Variants in FSTL4 observed in about 807,000 individuals in gnomAD.
The protein encoded by FSTL4 is follistatin-related protein 4.
FSTL4 carries 28 observed loss-of-function variants against 78.2 expected under a neutral mutation model. The observed-to-expected ratio is 0.36, with a 90% CI of 0.27 to 0.49. The LOEUF is 0.49. FSTL4 is among the 20% of genes least tolerant of loss of function. The pLI is 0.98. For synonymous variants in FSTL4, 422 were observed against 440.5 expected (o/e 0.96, Z 0.53); for missense variants, 922 against 1,084.9 (o/e 0.85, Z 2.11).
Position 133,400,806 on chromosome 5 carries a change from A to C in FSTL4, c.341T>G (p.Leu114Arg). The change falls in exon 4 of 16, where the codon CTC (leucine) becomes CGC (arginine). Residue 114 changes from leucine to arginine, a missense_variant. Transcript: ENST00000265342. Reference protein sequence around the residue: ...DGRFYENHCKLHRAACLLGKR... With the variant: ...DGRFYENHCKRHRAACLLGKR... ...TCCCAGGAGGCAAGCAGCACGGTGG[A>C]GCTTACAGTGGTTTTCATAAAACCT... 1 of 1,613,940 alleles carries C rather than the reference A, an allele frequency of 6.2e-7. No individual in the cohort carries two copies. The highest frequency in any genetic ancestry group is 8.5e-7 in the Non-Finnish European group (1 of 1,179,954).
intron 3 of FSTL4, among the ~76,000 whole-genome samples, chr5:133,403,514 A>G (rs755513619): frequency 2.4e-4 from 37 of 152,170 alleles, no homozygotes; most frequent in Non-Finnish European, 4.6e-4. Flanking sequence ...GTTTTAAGAA[A>G]TGCAGAAATT....
chr5:133,288,895 C>T (rs1489234251), intron 6 of FSTL4, among the ~76,000 whole-genome samples: 2 of 152,122 alleles, frequency 1.3e-5, no homozygotes, highest in African/African-American at 4.8e-5. Flanking sequence ...AAACTGTCTG[C>T]TCTCTTTCTA....
chr5:133,793,077 C>T, the FSTL4 span, among the ~76,000 whole-genome samples: 2 of 152,152 alleles, frequency 1.3e-5, no homozygotes, highest in Non-Finnish European at 2.9e-5. Flanking sequence ...ACTTAAAATA[C>T]ACGGTGTGCT....
At chr5:133,367,074 C>T (rs1036494034) in intron 4 of FSTL4, among the ~76,000 whole-genome samples, 1 of 152,202 alleles carries the variant, frequency 6.6e-6, no homozygotes, top group Admixed American at 6.5e-5. Context: ...ACTCTGTTAG[C>T]TGCTTGGGGG....
At chr5:133,411,770 C>T (rs375455749) in intron 3 of FSTL4, among the ~76,000 whole-genome samples, 6 of 152,180 alleles carry the variant, frequency 3.9e-5, no homozygotes, top group South Asian at 2.1e-4. Context: ...CAGCTAACAA[C>T]GATCTCTTTT....
chr5:133,712,595 C>A, the FSTL4 span, among the ~76,000 whole-genome samples: 1 of 152,166 alleles, frequency 6.6e-6, no homozygotes, highest in African/African-American at 2.4e-5. Flanking sequence ...GTGCCTGGCT[C>A]CAAGGTAAAA....
chr5:133,199,453 G>A lies in FSTL4; in HGVS notation c.2171C>T (p.Thr724Ile), dbSNP rs370704531. Reference sequence around the variant, plus strand: ...CGAGTTTATTTGCAGGTCATACAGGGTCTGGATCTCGCCCCGCACTGTGAT... The same window carrying A: ...CGAGTTTATTTGCAGGTCATACAGGATCTGGATCTCGCCCCGCACTGTGAT... ...QEITVRGEIQ[T>I]LYDLQINSGI... Residue 724 changes from threonine (T) to isoleucine (I), a missense_variant, in exon 16 of 16, where the codon ACC (threonine) becomes ATC (isoleucine). Coordinates refer to ENST00000265342, the MANE Select transcript of FSTL4 (RefSeq NM_015082.2). The surrounding 1 kb of genome is among the most constrained non-coding windows in gnomAD (Gnocchi z 4.4). 6.2e-6 allele frequency: 10 copies of A among 1,614,076 alleles called. No homozygotes were observed. In the African/African-American group the frequency reaches 1.3e-4, roughly 22 times the overall value.
chr5:133,485,529 T>C (rs980776201), intron 3 of FSTL4, among the ~76,000 whole-genome samples: 2 of 152,242 alleles, frequency 1.3e-5, no homozygotes, highest in African/African-American at 4.8e-5. Flanking sequence ...GGCCAGGACT[T>C]GCTGCTCAGC....
intron 3 of FSTL4, among the ~76,000 whole-genome samples, chr5:133,551,039 C>A (rs1759682156): frequency 6.6e-6 from 1 of 152,174 alleles, no homozygotes; most frequent in Non-Finnish European, 1.5e-5. Context: ...TCCATGCAGA[C>A]CCTGTTAATC....
At position 133,213,013 on chromosome 5, in the gene FSTL4, A is replaced by ATT. The variant is rs530591042; in HGVS notation, c.1609-2717_1609-2716dup. On this transcript the variant is annotated intron_variant, in intron 13 of 15. Transcript: ENST00000265342. Reference sequence around the variant, plus strand: ...ACTCAGTGAAGAATAGAAAGTAAAGATTTTTTTTTTTTTTTTTGAGACGGA... The same window carrying ATT: ...ACTCAGTGAAGAATAGAAAGTAAAGATTTTTTTTTTTTTTTTTTTGAGACGGA... Among the ~76,000 whole-genome samples, 125 of 141,420 alleles carry ATT rather than the reference A, an allele frequency of 8.8e-4. 1 individual carries two copies. The highest frequency in any genetic ancestry group is 2.9e-3 in the African/African-American group (111 of 38,296). The allele number at this position is 141,420 out of a possible 152,430, so 92.8% of individuals were successfully genotyped here. A position where few individuals can be genotyped will look rare whatever the true frequency, so the allele number is the denominator to read the frequency against.
At chr5:133,754,307 A>G in the FSTL4 span, among the ~76,000 whole-genome samples, 1 of 152,222 alleles carries the variant, frequency 6.6e-6, no homozygotes, top group African/African-American at 2.4e-5. Flanking sequence ...TATGAAATAG[A>G]ACTGACAATG....
At chr5:133,820,071 A>T in the FSTL4 span, among the ~76,000 whole-genome samples, 1 of 152,172 alleles carries the variant, frequency 6.6e-6, no homozygotes, top group Admixed American at 6.5e-5. Context: ...CCAGCACGGC[A>T]CGGCGCAGGT....
intron 6 of FSTL4, among the ~76,000 whole-genome samples, chr5:133,258,255 G>T (rs1752431564): frequency 6.6e-6 from 1 of 152,228 alleles, no homozygotes; most frequent in African/African-American, 2.4e-5. Flanking sequence ...GTGTTACCTT[G>T]ACTGGGCCAC....
chr5:133,669,519 G>A, the FSTL4 span, among the ~76,000 whole-genome samples: 1 of 152,188 alleles, frequency 6.6e-6, no homozygotes, highest in African/African-American at 2.4e-5. Flanking sequence ...CGGTCAGCAA[G>A]GGCTGAAGTG....
At position 133,343,433 on chromosome 5, in the gene FSTL4, C is replaced by A. The variant is rs978037889; in HGVS notation, c.410-26781G>T. ...CTCTCTGTTCCTGGGAACACCTGAG[C>A]AACTTGGCAGCTTCATACAGAACGT... On this transcript the variant is annotated intron_variant, in intron 4 of 15. Transcript: ENST00000265342. Among the ~76,000 whole-genome samples, 19 of 152,178 alleles carry A rather than the reference C, an allele frequency of 1.2e-4. 1 individual carries two copies. Among genetic ancestry groups the A allele is most frequent in the Non-Finnish European group, 1.5e-5 (1 of 68,036 alleles).
chr5:133,586,189 C>T (rs1248922036), intron 2 of FSTL4, among the ~76,000 whole-genome samples: 7 of 90,042 alleles, frequency 7.8e-5, no homozygotes, highest in African/African-American at 2.7e-4. Context: ...AGGAAAGATC[C>T]AAAATTGACA....
chr5:133,486,775 C>T (rs998228940), intron 3 of FSTL4, among the ~76,000 whole-genome samples: 3 of 152,088 alleles, frequency 2.0e-5, no homozygotes, highest in Non-Finnish European at 2.9e-5. Flanking sequence ...GGTGGGTGGG[C>T]GGAGCAGAAG....
intron 2 of FSTL4, among the ~76,000 whole-genome samples, chr5:133,569,493 C>A (rs998938244): frequency 6.6e-6 from 1 of 152,168 alleles, no homozygotes; most frequent in African/African-American, 2.4e-5. Flanking sequence ...TTCCTTTACT[C>A]ATTTGTTTAT....
chr5:133,397,450 T>C (rs1443207525), intron 4 of FSTL4, among the ~76,000 whole-genome samples: 3 of 152,238 alleles, frequency 2.0e-5, no homozygotes, highest in South Asian at 2.1e-4. Flanking sequence ...TTGAGTCTGG[T>C]TGATTTCCCG....
Sources: allele counts gnomAD v4.1 joint callset (sites outside exome capture counted in the v4.1 genomes callset), GRCh38; gene constraint gnomAD v4.1.1; non-coding constraint Gnocchi (gnomAD v3.1); transcripts MANE v1.5; gene names NCBI Gene and HGNC (gene_info 2026-07-23, HGNC 2026-07-21).